CGGBP1: variants seen among roughly 807,000 people sequenced by gnomAD.
CGGBP1 encodes the protein CGG triplet repeat binding protein 1, also known as CGG triplet repeat-binding protein 1.
A neutral mutation model predicts 11.4 loss-of-function variants in CGGBP1; 4 were observed. The ratio of observed to expected loss-of-function variants is 0.35; its 90% CI spans 0.17 to 0.80. CGGBP1 has a LOEUF of 0.80. Among genes scored for constraint, CGGBP1 ranks in the 30% least tolerant of loss-of-function variants. The pLI is 0.52. For missense variants in CGGBP1, 135 were observed against 202.1 expected, an observed-to-expected ratio of 0.67 and a Z score of 2.01; for synonymous variants, 76 against 74.1, an observed-to-expected ratio of 1.03 and a Z score of -0.13.
At chr3:88,148,491 T>C (rs1161869881) in intron 1 of CGGBP1, among the ~76,000 whole-genome samples, 1 of 152,216 alleles carries the variant, frequency 6.6e-6, no homozygotes, top group Non-Finnish European at 1.5e-5. Context: ...CTTCAATAGC[T>C]AACATAGCAG....
At chr3:88,082,106 C>T (rs965088860) in intron 2 of CGGBP1, among the ~76,000 whole-genome samples, 3 of 151,784 alleles carry the variant, frequency 2.0e-5, no homozygotes, top group Non-Finnish European at 2.9e-5. Context: ...GTAATTGTGA[C>T]ACGTCTTCTG....
At chr3:88,100,318 AAAC>A (rs546586599) in intron 2 of CGGBP1, among the ~76,000 whole-genome samples, 311 of 152,254 alleles carry the variant, frequency 2.0e-3, no homozygotes, top group Middle Eastern at 6.8e-3. Context: ...AAAAGTCAGG[AAAC>A]AACAGGTGCT....
chr3:88,122,138 A>G (rs939481540), intron 2 of CGGBP1, among the ~76,000 whole-genome samples: 5 of 152,194 alleles, frequency 3.3e-5, no homozygotes, highest in Admixed American at 6.6e-5. Flanking sequence ...AGCTAGTAGA[A>G]GCTTCTTGGG....
exon 2 of CGGBP1, chr3:88,141,060 GTCT>G (rs759169531): frequency 5.1e-5 from 81 of 1,576,134 alleles, no homozygotes; most frequent in Non-Finnish European, 6.9e-5. Flanking sequence ...TAAGTCTTCT[GTCT>G]TCTTAGTAGA....
intron 2 of CGGBP1, among the ~76,000 whole-genome samples, chr3:88,085,877 A>G (rs1265472192): frequency 6.6e-6 from 1 of 152,174 alleles, no homozygotes; most frequent in Non-Finnish European, 1.5e-5. Flanking sequence ...TAATAATGAT[A>G]ATAATAATGC....
chr3:88,088,713 A>G (rs943880040), intron 2 of CGGBP1, among the ~76,000 whole-genome samples: 8 of 114,412 alleles, frequency 7.0e-5, no homozygotes, highest in Non-Finnish European at 1.3e-4. Flanking sequence ...TAGATTTGTA[A>G]GAGTGAGGCA....
At chr3:88,084,255 A>G (rs973226088) in intron 2 of CGGBP1, among the ~76,000 whole-genome samples, 2 of 152,212 alleles carry the variant, frequency 1.3e-5, no homozygotes, top group Admixed American at 6.5e-5. Flanking sequence ...TCTTCTAAGG[A>G]GATAAACCCA....
rs1706457384 is a variant in CGGBP1 at position 88,052,774 on chromosome 3, C to T, written c.*2699G>A. On this transcript the variant is annotated 3_prime_UTR_variant, in exon 4 of 4. Transcript: ENST00000482016. ...TAAAACAACTATATAGGCTCTCATA[C>T]ACAATCTTTCTTAATTTTCACCTTG... 6.6e-6 allele frequency: 1 copy of T among 152,502 alleles called. No homozygotes were observed. Among genetic ancestry groups the T allele is most frequent in the South Asian group, 2.1e-4 (1 of 4,832 alleles). The allele number at this position is 152,502 out of a possible 1,614,324, so 9.4% of individuals were successfully genotyped here. A position where few individuals can be genotyped will look rare whatever the true frequency, so the allele number is the denominator to read the frequency against.
chr3:88,145,980 A>G (rs1272048921), intron 1 of CGGBP1, among the ~76,000 whole-genome samples: 1 of 152,232 alleles, frequency 6.6e-6, no homozygotes, highest in Non-Finnish European at 1.5e-5. Flanking sequence ...TTCCCTACAA[A>G]TGTAGACCAT....
intron 2 of CGGBP1, among the ~76,000 whole-genome samples, chr3:88,091,590 G>C (rs767786231): frequency 1.3e-5 from 2 of 152,076 alleles, no homozygotes; most frequent in East Asian, 3.9e-4. Context: ...AGCTGATATG[G>C]TTTCACTGTG....
chr3:88,106,539 C>T (rs767033967), intron 2 of CGGBP1, among the ~76,000 whole-genome samples: 5 of 152,048 alleles, frequency 3.3e-5, no homozygotes, highest in East Asian at 1.9e-4. Flanking sequence ...AGGTTTCGTT[C>T]GCCATGTTGG....
chr3:88,109,142 A>AGTGTGTGTGTGTGTGTGTGTGTGT (rs35595112), intron 2 of CGGBP1, among the ~76,000 whole-genome samples: 11 of 142,434 alleles, frequency 7.7e-5, no homozygotes, highest in Admixed American at 2.8e-4. Context: ...AGTGGGCACT[A>AGTGTGTGTGTGTGTGTGTGTGTGT]GTGTGTGTGT....
chr3:88,096,968 T>A (rs770177476), intron 2 of CGGBP1, among the ~76,000 whole-genome samples: 4 of 152,156 alleles, frequency 2.6e-5, no homozygotes, highest in Non-Finnish European at 5.9e-5. Flanking sequence ...TGTTTTTCAC[T>A]TAGATACCTT....
chr3:88,053,025 A>T lies in CGGBP1; in HGVS notation c.*2448T>A, dbSNP rs1241543141. 1 of 152,622 alleles carries T rather than the reference A, an allele frequency of 6.6e-6. No individual in the cohort carries two copies. The highest frequency in any genetic ancestry group is 1.5e-5 in the Non-Finnish European group (1 of 68,002). The allele number at this position is 152,622 out of a possible 1,614,324, so 9.5% of individuals were successfully genotyped here. The stretch of plus-strand genomic sequence containing the variant: ...TACAAATCTTATGTTTATGCATACA[A>T]CTTATAAAATAGAAAAAAGCTGCTA... On this transcript the variant is annotated 3_prime_UTR_variant, in exon 4 of 4. Transcript: ENST00000482016.
At chr3:88,120,948 T>C (rs946440875) in intron 2 of CGGBP1, among the ~76,000 whole-genome samples, 4 of 151,998 alleles carry the variant, frequency 2.6e-5, no homozygotes, top group Admixed American at 2.6e-4. Flanking sequence ...GATAGAAAAT[T>C]TTCTTGTCTG....
chr3:88,104,500 A>G (rs1254376043), intron 2 of CGGBP1, among the ~76,000 whole-genome samples: 1 of 152,240 alleles, frequency 6.6e-6, no homozygotes, highest in African/African-American at 2.4e-5. Context: ...CCTATGGGCC[A>G]TATATTCCAG....
chr3:88,124,651 GTTTT>G lies in CGGBP1; in HGVS notation c.-229+16315_-229+16318del, dbSNP rs890440587. 1.7e-4 allele frequency among the ~76,000 whole-genome samples: 26 copies of G among 152,098 alleles called. No homozygotes were observed. The East Asian group carries it at 4.5e-3, about 26-fold the overall frequency. Reference sequence around the variant, plus strand: ...TAATAAGTAACATTTCTGAAAATATGTTTTTTTAAATTCTGAAGCTTTGCTTTAT... The same window carrying G: ...TAATAAGTAACATTTCTGAAAATATGTTTAAATTCTGAAGCTTTGCTTTAT... On this transcript the variant is annotated intron_variant, in intron 2 of 3. Coordinates refer to the CGGBP1 transcript ENST00000462901.
chr3:88,124,400 C>G (rs890513825), intron 2 of CGGBP1, among the ~76,000 whole-genome samples: 2 of 152,186 alleles, frequency 1.3e-5, no homozygotes, highest in African/African-American at 4.8e-5. Context: ...TAATGTTTGA[C>G]TATAAGTGAT....
intron 2 of CGGBP1, among the ~76,000 whole-genome samples, chr3:88,088,638 C>T (rs1708462410): frequency 1.3e-5 from 2 of 151,920 alleles, no homozygotes; most frequent in South Asian, 4.1e-4. Flanking sequence ...CACTGTGCGT[C>T]TTTAAAAATT....
Sources: gnomAD v4.1 joint callset for allele counts (sites outside exome capture counted in the v4.1 genomes callset) on GRCh38, gnomAD v4.1.1 for gene constraint, MANE v1.5 for transcripts, NCBI Gene and HGNC (gene_info 2026-07-23, HGNC 2026-07-21) for gene names.